The following VPS37A variants were observed in gnomAD, a reference collection of about 807,000 sequenced individuals.
VPS37A encodes the protein vacuolar protein sorting-associated protein 37A.
A neutral mutation model predicts 49.8 loss-of-function variants in VPS37A; 30 were observed. The observed-to-expected ratio is 0.60, with a 90% confidence interval of 0.45 to 0.82. The LOEUF (loss-of-function observed/expected upper bound fraction) is 0.82, where lower values mean the gene tolerates loss of function less well. VPS37A is among the 40% of genes least tolerant of loss of function. The pLI, the probability that VPS37A is intolerant of heterozygous loss-of-function variation, is 0.00. For synonymous variants in VPS37A, 195 were observed against 160.6 expected (o/e 1.21, Z -1.62); for missense variants, 593 against 464.4 (o/e 1.28, Z -2.55).
the VPS37A span, among the ~76,000 whole-genome samples, chr8:17,330,109 A>G: frequency 6.6e-6 from 1 of 152,238 alleles, no homozygotes; most frequent in Non-Finnish European, 1.5e-5. Flanking sequence ...CAGAAAGTCC[A>G]GGAAACAGAA....
intron 6 of VPS37A, among the ~76,000 whole-genome samples, chr8:17,276,671 T>G (rs944365740): frequency 1.3e-5 from 2 of 152,132 alleles, no homozygotes; most frequent in African/African-American, 4.8e-5. Context: ...TCAGGGATTT[T>G]TATAGGATTT....
At position 17,297,150 on chromosome 8, in the gene VPS37A, C is replaced by G. The variant is rs995125696; in HGVS notation, c.*2164C>G. 3 of 152,022 alleles carry G rather than the reference C, an allele frequency of 2.0e-5. No homozygotes were observed. The highest frequency in any genetic ancestry group is 7.2e-5 in the African/African-American group (3 of 41,396). 9.4% of individuals were successfully genotyped at this position (152,022 alleles called of 1,614,324 possible). ...TGTGAAAGTTTGTATTCTGATTTTA[C>G]AAGATGAGATAGAAATCAGAATTAA... On this transcript the variant is annotated 3_prime_UTR_variant, in exon 12 of 12. Transcript: ENST00000324849.
At chr8:17,287,785 G>C (rs1384509044) in intron 11 of VPS37A, among the ~76,000 whole-genome samples, 1 of 152,128 alleles carries the variant, frequency 6.6e-6, no homozygotes, top group Non-Finnish European at 1.5e-5. Flanking sequence ...TGGAGTTCTA[G>C]AACATTCCCT....
At chr8:17,325,516 T>C in the VPS37A span, among the ~76,000 whole-genome samples, 6 of 152,316 alleles carry the variant, frequency 3.9e-5, no homozygotes, top group South Asian at 6.2e-4. Flanking sequence ...ATTCCAGTCT[T>C]TTAGAATGGA....
intron 1 of VPS37A, among the ~76,000 whole-genome samples, chr8:17,262,016 G>A (rs1373191151): frequency 1.3e-5 from 2 of 152,140 alleles, no homozygotes; most frequent in Admixed American, 6.5e-5. Context: ...AACCAAAAAT[G>A]GTGGGAAAGC....
At chr8:17,332,417 T>G in the VPS37A span, among the ~76,000 whole-genome samples, 1 of 152,092 alleles carries the variant, frequency 6.6e-6, no homozygotes, top group Admixed American at 6.5e-5. Flanking sequence ...CATGACTATC[T>G]CAATAGGACA....
chr8:17,313,204 C>T, the VPS37A span: 1 of 915,998 alleles, frequency 1.1e-6, no homozygotes, highest in South Asian at 1.5e-5. Context: ...CAGCTTAAGA[C>T]AGGGAAGCCC....
At chr8:17,298,990 C>G (rs889382511), downstream of VPS37A, 3 of 152,180 alleles carry the variant, frequency 2.0e-5, no homozygotes, top group African/African-American at 7.2e-5. Flanking sequence ...TGGATTTTCA[C>G]TCACAGATGT....
At chr8:17,300,295 T>C (rs1817032121), downstream of VPS37A, 1 of 1,454,210 alleles carries the variant, frequency 6.9e-7, no homozygotes, top group Non-Finnish European at 9.2e-7. Flanking sequence ...TGCATGTCTT[T>C]AGCATTTGTT....
the VPS37A span, among the ~76,000 whole-genome samples, chr8:17,312,714 C>A: frequency 0.11 from 17,054 of 151,832 alleles, 1,309 homozygotes; most frequent in Non-Finnish European, 0.17. Context: ...ATAAAGATTT[C>A]TTGAATAAAT....
chr8:17,299,821 T>C, downstream of VPS37A: 1 of 1,602,728 alleles, frequency 6.2e-7, no homozygotes, highest in Non-Finnish European at 8.5e-7. Flanking sequence ...TTTGGAAGTG[T>C]TGCTTATGTG....
chr8:17,272,022 A>G (rs1381676687), intron 4 of VPS37A: 1 of 456,596 alleles, frequency 2.2e-6, no homozygotes. Flanking sequence ...CACCATCCGC[A>G]CTGCCTGGAA....
At chr8:17,265,760 T>C (rs762403373) in intron 1 of VPS37A, 147 bp from the exon 2 acceptor site, 45 of 1,533,734 alleles carry the variant, frequency 2.9e-5, no homozygotes, top group Non-Finnish European at 3.9e-5. Flanking sequence ...ATCATTTTCC[T>C]TCCCCTCAAG....
intron 11 of VPS37A, among the ~76,000 whole-genome samples, chr8:17,294,714 G>A (rs1816480787): frequency 2.0e-5 from 3 of 152,176 alleles, no homozygotes; most frequent in South Asian, 2.1e-4. Context: ...CTTACCGGGT[G>A]AGGCAACACC....
intron 4 of VPS37A, 32 bp downstream of exon 4, chr8:17,268,988 G>C: frequency 6.9e-7 from 1 of 1,457,096 alleles, no homozygotes; most frequent in Non-Finnish European, 9.4e-7. Flanking sequence ...AAAAAAGTCT[G>C]CCTGTATTTT....
rs558350757 is a variant in VPS37A, at chr8:17,258,071, G to C, written c.126-7836G>C. On this transcript the variant is annotated intron_variant, in intron 1 of 11. Coordinates refer to ENST00000324849, the MANE Select transcript of VPS37A (RefSeq NM_152415.3). The stretch of plus-strand genomic sequence containing the variant: ...TTGGTGGGGTCTTTAGGTTTTTCCA[G>C]TCGTAACATTGTGTCATCCGCGAAC... Among the ~76,000 whole-genome samples the C allele has an allele frequency of 1.4e-4, 22 of 152,116 alleles. No individual in the cohort carries two copies. The South Asian group carries it at 4.6e-3, about 32-fold the overall frequency.
intron 1 of VPS37A, among the ~76,000 whole-genome samples, chr8:17,251,197 G>A (rs1189422088): frequency 6.6e-6 from 1 of 152,170 alleles, no homozygotes; most frequent in African/African-American, 2.4e-5. Context: ...AAGTTACTGT[G>A]GAAGCAGGAC....
chr8:17,317,123 CTT>C, the VPS37A span, among the ~76,000 whole-genome samples: 1 of 152,106 alleles, frequency 6.6e-6, no homozygotes, highest in African/African-American at 2.4e-5. Context: ...AATTTGCTTG[CTT>C]ATATGTGTGT....
At chr8:17,325,449 C>T in the VPS37A span, among the ~76,000 whole-genome samples, 1 of 152,192 alleles carries the variant, frequency 6.6e-6, no homozygotes, top group Non-Finnish European at 1.5e-5. Context: ...ACAGTCAATG[C>T]CCATCATGTC....
Sources: gnomAD v4.1 joint callset for allele counts (sites outside exome capture counted in the v4.1 genomes callset) on GRCh38, gnomAD v4.1.1 for gene constraint, MANE v1.5 for transcripts, NCBI Gene and HGNC (gene_info 2026-07-23, HGNC 2026-07-21) for gene names.